Variants in FOXJ3 observed in about 807,000 individuals in gnomAD.
FOXJ3 encodes forkhead box protein J3.
In FOXJ3, 22 loss-of-function variants were observed where a neutral mutation model predicts 76.1. That is an observed-to-expected ratio of 0.29 (90% CI 0.21 to 0.41). FOXJ3 has a LOEUF of 0.41. Ranked by LOEUF, FOXJ3 falls within the 10% of genes least tolerant of loss-of-function variation. The pLI is 1.00. For synonymous variants in FOXJ3, 269 were observed against 261.2 expected (o/e 1.03, Z -0.29); for missense variants, 613 against 762.1 (o/e 0.80, Z 2.30).
chr1:42,191,857 T>C (rs1569803074), intron 8 of FOXJ3, 138 bp from the exon 9 acceptor site: 6 of 820,566 alleles, frequency 7.3e-6, no homozygotes, highest in Admixed American at 2.6e-5. Flanking sequence ...TAATCCAACA[T>C]CCACTGCACA....
intron 1 of FOXJ3, chr1:42,334,135 C>T (rs1656321153): frequency 1.0e-6 from 1 of 981,538 alleles, no homozygotes; most frequent in Non-Finnish European, 1.2e-6. Flanking sequence ...AAACTATACA[C>T]CTGAATGCAT....
intron 2 of FOXJ3, among the ~76,000 whole-genome samples, chr1:42,310,214 C>T (rs1445953997): frequency 6.7e-6 from 1 of 149,086 alleles, no homozygotes. Context: ...TGGCAGATCT[C>T]GGCTTACTGC....
rs531237266 is a variant in FOXJ3 at position 42,277,674 on chromosome 1, G to A, written c.369+674C>T. On this transcript the variant is annotated intron_variant, in intron 3 of 12. Coordinates refer to ENST00000361346, the MANE Select transcript of FOXJ3 (RefSeq NM_014947.5). ...TAGCCGGGCGTAGTGGCGGGCGCCT[G>A]TAGTCCCAGCTACTTGGGAGGCTGA... 3.8e-5 allele frequency among the ~76,000 whole-genome samples: 2 copies of A among 52,304 alleles called. 1 individual carries two copies. The highest frequency in any genetic ancestry group is 8.4e-5 in the Non-Finnish European group (2 of 23,906). 34.3% of individuals were successfully genotyped at this position (52,304 alleles called of 152,430 possible). A position where few individuals can be genotyped will look rare whatever the true frequency, so the allele number is the denominator to read the frequency against.
At chr1:42,302,485 C>A (rs576322240) in intron 2 of FOXJ3, among the ~76,000 whole-genome samples, 1 of 152,236 alleles carries the variant, frequency 6.6e-6, no homozygotes, top group East Asian at 1.9e-4. Flanking sequence ...AATAGCAGGG[C>A]ACAAGCACCA....
intron 3 of FOXJ3, among the ~76,000 whole-genome samples, chr1:42,267,584 AAAAG>A (rs946132604): frequency 8.5e-5 from 13 of 152,230 alleles, no homozygotes; most frequent in Admixed American, 6.5e-4. Flanking sequence ...TAAGACATAG[AAAAG>A]AAAGGAAAAC....
At chr1:42,227,423 T>A (rs1260873684) in intron 5 of FOXJ3, among the ~76,000 whole-genome samples, 3 of 152,206 alleles carry the variant, frequency 2.0e-5, no homozygotes, top group Non-Finnish European at 4.4e-5. Context: ...AAGAATTATC[T>A]TACAAGCAAT....
In FOXJ3 at chr1:42,220,072, T is replaced by TA. The variant is rs759028738; in HGVS notation, c.528+7810dup. On this transcript the variant is annotated intron_variant, in intron 5 of 12. Transcript: ENST00000361346. Reference sequence around the variant, plus strand: ...TAATTATAACTCTTTCAAAGTACCTTACCTGGGCTAAGCATACAACAGAAA... The same window carrying TA: ...TAATTATAACTCTTTCAAAGTACCTTAACCTGGGCTAAGCATACAACAGAAA... 9.8e-5 allele frequency among the ~76,000 whole-genome samples: 15 copies of TA among 152,314 alleles called. No individual in the cohort carries two copies. In the East Asian group the frequency reaches 2.9e-3, roughly 29 times the overall value.
intron 5 of FOXJ3, among the ~76,000 whole-genome samples, chr1:42,226,217 G>C (rs540689530): frequency 2.0e-5 from 3 of 147,494 alleles, no homozygotes; most frequent in Non-Finnish European, 3.0e-5. Flanking sequence ...GCTGAGAGGA[G>C]TGCTTAAAAA....
chr1:42,204,779 G>A (rs1646829714), intron 6 of FOXJ3, among the ~76,000 whole-genome samples: 1 of 151,718 alleles, frequency 6.6e-6, no homozygotes, highest in East Asian at 1.9e-4. Flanking sequence ...TGCCATGTGG[G>A]AAGAATCATT....
intron 2 of FOXJ3, among the ~76,000 whole-genome samples, chr1:42,288,980 C>T (rs972331131): frequency 6.6e-6 from 1 of 151,998 alleles, no homozygotes; most frequent in Non-Finnish European, 1.5e-5. Flanking sequence ...TTGTTATATG[C>T]TGTACACTAC....
intron 2 of FOXJ3, among the ~76,000 whole-genome samples, chr1:42,295,586 T>A (rs1653735348): frequency 7.0e-6 from 1 of 143,580 alleles, no homozygotes; most frequent in Non-Finnish European, 1.5e-5. Flanking sequence ...TGGAATGCAG[T>A]GGCGCAATCT....
intron 5 of FOXJ3, among the ~76,000 whole-genome samples, chr1:42,225,375 T>C (rs1647470177): frequency 1.3e-5 from 2 of 152,132 alleles, no homozygotes; most frequent in South Asian, 4.1e-4. Flanking sequence ...ATATAAACTC[T>C]GTCCTAACAA....
intron 8 of FOXJ3, among the ~76,000 whole-genome samples, chr1:42,193,666 A>AT (rs1324888873): frequency 6.6e-6 from 1 of 152,212 alleles, no homozygotes; most frequent in African/African-American, 2.4e-5. Flanking sequence ...AAATAACAGT[A>AT]TATAACATTA....
At chr1:42,236,942 T>C (rs555415634) in intron 4 of FOXJ3, among the ~76,000 whole-genome samples, 2 of 152,364 alleles carry the variant, frequency 1.3e-5, no homozygotes, top group South Asian at 2.1e-4. Context: ...GCCACCCATA[T>C]ATTATCCTTT....
intron 6 of FOXJ3, among the ~76,000 whole-genome samples, chr1:42,203,569 G>A (rs1202401251): frequency 6.6e-6 from 1 of 152,176 alleles, no homozygotes; most frequent in African/African-American, 2.4e-5. Context: ...CTCCTTTGAA[G>A]ACCATAAACT....
chr1:42,194,731 T>C (rs918472289), intron 8 of FOXJ3, among the ~76,000 whole-genome samples, 159 bp downstream of exon 8: 6 of 152,154 alleles, frequency 3.9e-5, no homozygotes, highest in Admixed American at 3.3e-4. Context: ...ATGATATAAA[T>C]AGAACACAGT....
At chr1:42,207,778 T>C (rs999424900) in intron 5 of FOXJ3, among the ~76,000 whole-genome samples, 1 of 152,192 alleles carries the variant, frequency 6.6e-6, no homozygotes, top group Admixed American at 6.5e-5. Flanking sequence ...GGGATCTTGA[T>C]TGAAAAAGAC....
At chr1:42,288,996 CTT>C (rs1185107311) in intron 2 of FOXJ3, among the ~76,000 whole-genome samples, 2 of 151,952 alleles carry the variant, frequency 1.3e-5, no homozygotes, top group Non-Finnish European at 2.9e-5. Flanking sequence ...ACTACGGAGA[CTT>C]TTGTTATTTT....
At chr1:42,210,732 A>G (rs1646951518) in intron 5 of FOXJ3, among the ~76,000 whole-genome samples, 1 of 152,102 alleles carries the variant, frequency 6.6e-6, no homozygotes, top group South Asian at 2.1e-4. Flanking sequence ...CATAGTCTAC[A>G]TAACTCCCTT....
Sources: gnomAD v4.1 joint callset for allele counts (sites outside exome capture counted in the v4.1 genomes callset) on GRCh38, gnomAD v4.1.1 for gene constraint, MANE v1.5 for transcripts, NCBI Gene and HGNC (gene_info 2026-07-23, HGNC 2026-07-21) for gene names.